PDE1C: variants seen among roughly 807,000 people sequenced by gnomAD.
The protein encoded by PDE1C is dual specificity calcium/calmodulin-dependent 3',5'-cyclic nucleotide phosphodiesterase 1C.
In PDE1C, 62 loss-of-function variants were observed where a neutral mutation model predicts 93.1. That is an observed-to-expected ratio of 0.67 (90% CI 0.54 to 0.82). PDE1C has a LOEUF of 0.82. PDE1C is among the 40% of genes least tolerant of loss of function. The pLI is 0.00. For missense variants in PDE1C, 742 were observed against 884.6 expected (o/e 0.84, Z 2.04); for synonymous variants, 325 against 310.1 (o/e 1.05, Z -0.50).
chr7:32,165,096 C>A (rs1178989141), intron 3 of PDE1C, among the ~76,000 whole-genome samples: 1 of 152,314 alleles, frequency 6.6e-6, no homozygotes, highest in Non-Finnish European at 1.5e-5. Flanking sequence ...TGAAAACAGA[C>A]CTTTCATGCC....
chr7:31,912,308 C>A (rs1801337066), intron 2 of PDE1C, among the ~76,000 whole-genome samples: 1 of 152,086 alleles, frequency 6.6e-6, no homozygotes, highest in South Asian at 2.1e-4. Flanking sequence ...ATACAGATGT[C>A]TTTTCATTTG....
chr7:32,212,437 G>A (rs1003259248), intron 1 of PDE1C, among the ~76,000 whole-genome samples: 4 of 152,072 alleles, frequency 2.6e-5, no homozygotes, highest in Admixed American at 6.6e-5. Context: ...TTTGAACCTC[G>A]CCACCAGCGT....
chr7:31,775,949 T>C (rs1057382120), intron 16 of PDE1C, among the ~76,000 whole-genome samples: 1 of 152,250 alleles, frequency 6.6e-6, no homozygotes, highest in Admixed American at 6.5e-5. Context: ...TTCCTCTGGC[T>C]GGAAGGTTGA....
the PDE1C span, among the ~76,000 whole-genome samples, chr7:31,690,709 C>T: frequency 6.6e-6 from 1 of 152,150 alleles, no homozygotes; most frequent in African/African-American, 2.4e-5. Flanking sequence ...ACCGCCTTAC[C>T]TTTCAAGGGT....
intron 16 of PDE1C, among the ~76,000 whole-genome samples, chr7:31,808,462 ATGT>A (rs1368316786): frequency 1.3e-5 from 2 of 151,994 alleles, no homozygotes; most frequent in African/African-American, 2.4e-5. Flanking sequence ...AAACAGTAAA[ATGT>A]TGTTAATCTT....
At chr7:32,030,993 G>A (rs1790231268) in intron 2 of PDE1C, among the ~76,000 whole-genome samples, 1 of 152,096 alleles carries the variant, frequency 6.6e-6, no homozygotes, top group African/African-American at 2.4e-5. Context: ...ATGAATTGTG[G>A]ATAACTGATA....
At chr7:31,730,620 G>A in the PDE1C span, among the ~76,000 whole-genome samples, 1 of 152,230 alleles carries the variant, frequency 6.6e-6, no homozygotes, top group Non-Finnish European at 1.5e-5. Context: ...GTTGGAAAGT[G>A]AATCCTACTC....
chr7:31,912,592 T>A (rs1479348171), intron 2 of PDE1C, among the ~76,000 whole-genome samples: 2 of 151,938 alleles, frequency 1.3e-5, no homozygotes, highest in Admixed American at 6.6e-5. Context: ...GAGGCTGAGG[T>A]GGGAGGATCA....
Position 32,355,497 on chromosome 7 carries a change from G to A in PDE1C, c.310+72325C>T, listed in dbSNP as rs1018205417. Among the ~76,000 whole-genome samples the A allele has an allele frequency of 3.3e-5, 5 of 150,480 alleles. No homozygotes were observed. In the East Asian group the frequency reaches 8.2e-4, roughly 25 times the overall value. On this transcript the variant is annotated intron_variant, in intron 1 of 1. Transcript: ENST00000672256. The stretch of plus-strand genomic sequence containing the variant: ...ACAGTGCCCCTCCCTTTTCTGCAAT[G>A]TGTCCCCCACCATCCCCTCAAATCT...
chr7:31,705,787 G>A, the PDE1C span, among the ~76,000 whole-genome samples: 178 of 152,018 alleles, frequency 1.2e-3, 1 homozygote, highest in African/African-American at 4.0e-3. Context: ...AGGCAGTGGT[G>A]GGGAAGCTGG....
rs1219210140 is a variant in PDE1C, at chr7:32,298,044, CT to C, written c.85+606del. ...TCTCTCTCTCTCTCTCTCTCTCTCT[CT>C]CTCTCTCTCTCTCTCTCTCCCCTCT... On this transcript the variant is annotated intron_variant, in intron 1 of 18. Transcript: ENST00000396193. 2.7e-4 allele frequency among the ~76,000 whole-genome samples: 19 copies of C among 71,466 alleles called. 1 individual carries two copies. Among genetic ancestry groups the C allele is most frequent in the East Asian group, 1.5e-3 (3 of 1,988 alleles). The allele number at this position is 71,466 out of a possible 152,430, so 46.9% of individuals were successfully genotyped here.
chr7:32,109,188 T>C (rs1798509934), intron 3 of PDE1C, among the ~76,000 whole-genome samples: 1 of 152,130 alleles, frequency 6.6e-6, no homozygotes, highest in Non-Finnish European at 1.5e-5. Context: ...CCTCATAGTG[T>C]TGTTATGATG....
intron 3 of PDE1C, among the ~76,000 whole-genome samples, chr7:32,128,874 T>C (rs1409310355): frequency 7.5e-6 from 1 of 133,134 alleles, no homozygotes. Flanking sequence ...CATATTATGG[T>C]GCACATGTAC....
At chr7:32,305,612 A>AAG (rs1812979184) in intron 1 of PDE1C, among the ~76,000 whole-genome samples, 1 of 152,092 alleles carries the variant, frequency 6.6e-6, no homozygotes, top group South Asian at 2.1e-4. Flanking sequence ...GAGCCAGACA[A>AAG]AGCTTCTACA....
At chr7:32,241,460 T>C (rs554169243) in intron 1 of PDE1C, among the ~76,000 whole-genome samples, 1 of 152,180 alleles carries the variant, frequency 6.6e-6, no homozygotes, top group Non-Finnish European at 1.5e-5. Context: ...TGTGGAGGTA[T>C]TGGGTGATCC....
intron 2 of PDE1C, among the ~76,000 whole-genome samples, chr7:32,202,346 T>C (rs1255999449): frequency 6.6e-6 from 1 of 152,134 alleles, no homozygotes; most frequent in Admixed American, 6.5e-5. Flanking sequence ...CACATGCCAG[T>C]CCATCACTCT....
At chr7:32,053,817 C>A in intron 1 of PDE1C, among the ~76,000 whole-genome samples, 1 of 152,098 alleles carries the variant, frequency 6.6e-6, no homozygotes, top group Non-Finnish European at 1.5e-5. Flanking sequence ...ATCCTCATAA[C>A]TCTGTAGGAT....
At position 32,388,000 on chromosome 7, in the gene PDE1C, G is replaced by A. The variant is rs535622867; in HGVS notation, c.310+39822C>T. Among the ~76,000 whole-genome samples the A allele has an allele frequency of 6.6e-5, 10 of 152,268 alleles. No homozygotes were observed. The East Asian group carries it at 1.7e-3, about 26-fold the overall frequency. ...CATTTACCCTGTATAAATGACCATC[G>A]TATATTAATGTAGTATGTAACAGTT... On this transcript the variant is annotated intron_variant, in intron 1 of 1. Transcript: ENST00000672256.
At chr7:32,385,298 C>G (rs1221451900) in intron 1 of PDE1C, among the ~76,000 whole-genome samples, 1 of 152,182 alleles carries the variant, frequency 6.6e-6, no homozygotes. Flanking sequence ...GAAGAGAGTT[C>G]TATATTAGAG....
Sources: allele counts gnomAD v4.1 joint callset (sites outside exome capture counted in the v4.1 genomes callset), GRCh38; gene constraint gnomAD v4.1.1; transcripts MANE v1.5; gene names NCBI Gene and HGNC (gene_info 2026-07-23, HGNC 2026-07-21).